Variants in CDH17 observed in about 807,000 individuals in gnomAD.
CDH17 encodes cadherin 17.
In CDH17, 67 loss-of-function variants were observed where a neutral mutation model predicts 86.3. The observed-to-expected ratio is 0.78, with a 90% CI of 0.64 to 0.95. CDH17 has a LOEUF of 0.95. Ranked by LOEUF, CDH17 falls within the 40% of genes least tolerant of loss-of-function variation. The probability of loss-of-function intolerance (pLI) is 0.00; values close to 1 mark genes in which losing one functional copy is unlikely to be tolerated. For synonymous variants in CDH17, 367 were observed against 366.4 expected (o/e 1.00, Z -0.02); for missense variants, 993 against 1,017.6 (o/e 0.98, Z 0.33).
At chr8:94,198,799 G>T (rs189547644) in intron 1 of CDH17, among the ~76,000 whole-genome samples, 7 of 152,242 alleles carry the variant, frequency 4.6e-5, no homozygotes, top group Admixed American at 4.6e-4. Context: ...AATGAGGTTG[G>T]ATGGAGATGT....
chr8:94,153,994 A>G (rs1812903666), intron 12 of CDH17, among the ~76,000 whole-genome samples: 1 of 152,232 alleles, frequency 6.6e-6, no homozygotes, highest in Non-Finnish European at 1.5e-5. Context: ...TAACAACAAT[A>G]TAGTGTATAC....
intron 1 of CDH17, chr8:94,201,775 G>C (rs1042414296): frequency 2.6e-5 from 4 of 153,178 alleles, no homozygotes; most frequent in African/African-American, 9.6e-5. Flanking sequence ...TCAGTCATTA[G>C]ACACCTAGGG....
In CDH17 at chr8:94,170,898, C is replaced by G. The variant is rs775157871; in HGVS notation, c.871G>C (p.Asp291His). Residue 291 changes from aspartate to histidine, a missense_variant, in exon 8 of 18, where the codon GAT (aspartate) becomes CAT (histidine). Physicochemically the swap from Asp to His is moderately conservative, Grantham distance 81. Transcript: ENST00000027335. ...RFPFSIDQEG[D>H]IYVTQPLDRE... ...TCCAAGGGCTGAGTCACGTAAATAT[C>G]TCCTTCCTGGTCAATTGAAAATGGG... 8.7e-6 allele frequency: 14 copies of G among 1,613,778 alleles called. No homozygotes were observed. In the South Asian group the frequency reaches 1.4e-4, roughly 16 times the overall value.
chr8:94,138,595 G>A (rs1209058461), intron 15 of CDH17, among the ~76,000 whole-genome samples: 1 of 151,978 alleles, frequency 6.6e-6, no homozygotes, highest in African/African-American at 2.4e-5. Flanking sequence ...TTTATAGAGG[G>A]GTCTCTTAAG....
intron 15 of CDH17, among the ~76,000 whole-genome samples, chr8:94,143,499 CCAG>C (rs1462147257): frequency 6.6e-6 from 1 of 151,936 alleles, no homozygotes; most frequent in Non-Finnish European, 1.5e-5. Context: ...CTAACAAGAG[CCAG>C]CCTGTCCTTT....
chr8:94,146,002 A>C lies in CDH17; in HGVS notation c.2093T>G (p.Phe698Cys), dbSNP rs1213652972. The change falls in exon 15 of 18, where the codon TTT becomes TGT. Residue 698 changes from phenylalanine to cysteine, a missense_variant. Phe to Cys is a radical substitution (Grantham distance 205). Coordinates refer to ENST00000027335, the MANE Select transcript of CDH17 (RefSeq NM_004063.4). ...FEATDDDQHL[F>C]RGPHFTFSLG... ...GGAAAATGTAAAATGGGGACCCCGA[A>C]ATAAGTGCTGATCATCATCAGTAGC... 1 of 1,613,892 alleles carries C rather than the reference A, an allele frequency of 6.2e-7. No individual in the cohort carries two copies. Among genetic ancestry groups the C allele is most frequent in the Admixed American group, 1.7e-5 (1 of 59,964 alleles).
intron 5 of CDH17, among the ~76,000 whole-genome samples, chr8:94,175,593 G>A (rs1387998271): frequency 6.6e-6 from 1 of 152,080 alleles, no homozygotes; most frequent in Non-Finnish European, 1.5e-5. Flanking sequence ...TTTATGTTGT[G>A]TGCAACTGTT....
chr8:94,177,858 A>T, intron 3 of CDH17, 137 bp from the exon 4 acceptor site: 1 of 777,136 alleles, frequency 1.3e-6, no homozygotes, highest in Non-Finnish European at 2.0e-6. Flanking sequence ...TTAAAGTGGT[A>T]CCTTCTAAAA....
intron 15 of CDH17, among the ~76,000 whole-genome samples, chr8:94,134,215 G>T (rs988192667): frequency 1.3e-5 from 2 of 152,198 alleles, no homozygotes; most frequent in African/African-American, 4.8e-5. Context: ...GATTGAAATA[G>T]TTTCAGAAGG....
chr8:94,159,892 G>A (rs1159220013), intron 12 of CDH17, 79 bp downstream of exon 12: 32 of 1,125,692 alleles, frequency 2.8e-5, no homozygotes, highest in Non-Finnish European at 2.8e-5. Context: ...CATCACCTCT[G>A]CTTATAGGTC....
chr8:94,200,763 G>T (rs1813895895), intron 1 of CDH17, among the ~76,000 whole-genome samples: 1 of 151,464 alleles, frequency 6.6e-6, no homozygotes, highest in Non-Finnish European at 1.5e-5. Flanking sequence ...GAAGACATGG[G>T]AATCCCGCCG....
intron 3 of CDH17, among the ~76,000 whole-genome samples, 196 bp downstream of exon 3, chr8:94,188,991 C>T (rs1813633088): frequency 6.6e-6 from 1 of 152,156 alleles, no homozygotes; most frequent in Admixed American, 6.5e-5. Context: ...TGAGGAAGTC[C>T]AAATAGAATG....
chr8:94,216,293 A>C (rs1431080265), intron 1 of CDH17, among the ~76,000 whole-genome samples: 2 of 152,220 alleles, frequency 1.3e-5, no homozygotes, highest in Non-Finnish European at 2.9e-5. Context: ...TCACATCTGC[A>C]ATCTGTGTAA....
chr8:94,161,939 G>A, intron 11 of CDH17, 147 bp downstream of exon 11: 2 of 524,042 alleles, frequency 3.8e-6, no homozygotes, highest in Non-Finnish European at 7.0e-6. Context: ...TTCCACTGAA[G>A]ATGGCATCTG....
intron 3 of CDH17, among the ~76,000 whole-genome samples, chr8:94,180,389 A>G (rs1240135270): frequency 6.6e-6 from 1 of 152,214 alleles, no homozygotes; most frequent in East Asian, 1.9e-4. Context: ...CCAAAACTTC[A>G]CAAATTTAAG....
chr8:94,200,124 A>G (rs371429589), intron 1 of CDH17, among the ~76,000 whole-genome samples: 20 of 152,130 alleles, frequency 1.3e-4, no homozygotes, highest in East Asian at 7.7e-4. Context: ...GGCAAACTAC[A>G]CTAGTGCTAG....
chr8:94,205,124 G>A (rs375895127), intron 1 of CDH17, among the ~76,000 whole-genome samples: 4 of 152,088 alleles, frequency 2.6e-5, no homozygotes, highest in Admixed American at 1.3e-4. Context: ...CTTCCCTCAC[G>A]TGTGCAGCTA....
At chr8:94,155,222 C>T (rs765342717) in intron 12 of CDH17, among the ~76,000 whole-genome samples, 4 of 151,940 alleles carry the variant, frequency 2.6e-5, no homozygotes, top group South Asian at 2.1e-4. Context: ...ATACACGTCA[C>T]GTGGTCCACG....
At chr8:94,129,029 T>C (rs1442854238) in intron 17 of CDH17, among the ~76,000 whole-genome samples, 1 of 152,218 alleles carries the variant, frequency 6.6e-6, no homozygotes, top group Non-Finnish European at 1.5e-5. Context: ...GGAGGAATCA[T>C]GGCAGAAAAG....
Sources: gnomAD v4.1 joint callset for allele counts (sites outside exome capture counted in the v4.1 genomes callset) on GRCh38, gnomAD v4.1.1 for gene constraint, MANE v1.5 for transcripts, NCBI Gene and HGNC (gene_info 2026-07-23, HGNC 2026-07-21) for gene names.